CFAP58: variants seen among roughly 807,000 people sequenced by gnomAD.
CFAP58 encodes the protein cilia and flagella associated protein 58.
A neutral mutation model predicts 119.5 loss-of-function variants in CFAP58; 88 were observed. The ratio of observed to expected loss-of-function variants is 0.74; its 90% CI spans 0.62 to 0.88. The LOEUF (loss-of-function observed/expected upper bound fraction) is 0.88. Ranked by LOEUF, CFAP58 falls within the 40% of genes least tolerant of loss-of-function variation. The probability of loss-of-function intolerance (pLI) is 0.00; values close to 1 mark genes in which losing one functional copy is unlikely to be tolerated. For synonymous variants in CFAP58, 365 were observed against 366.3 expected (o/e 1.00, Z 0.04); for missense variants, 990 against 1,021.2 (o/e 0.97, Z 0.42).
intron 15 of CFAP58, among the ~76,000 whole-genome samples, chr10:104,419,177 T>C (rs551008128): frequency 4.6e-5 from 7 of 152,264 alleles, no homozygotes; most frequent in Admixed American, 2.0e-4. Flanking sequence ...AAGGAGCAAT[T>C]GGAGGCAGGC....
At chr10:104,373,411 A>T (rs535140579) in intron 7 of CFAP58, among the ~76,000 whole-genome samples, 1 of 152,242 alleles carries the variant, frequency 6.6e-6, no homozygotes, top group South Asian at 2.1e-4. Context: ...AGACAGAAGG[A>T]TCGCTTAAGG....
At chr10:104,394,651 A>G (rs1369297040) in intron 11 of CFAP58, among the ~76,000 whole-genome samples, 2 of 152,234 alleles carry the variant, frequency 1.3e-5, no homozygotes, top group African/African-American at 4.8e-5. Flanking sequence ...TACAAAAAAG[A>G]TATTGTAACT....
intron 15 of CFAP58, among the ~76,000 whole-genome samples, chr10:104,420,737 T>A (rs2012642355): frequency 6.6e-6 from 1 of 150,504 alleles, no homozygotes; most frequent in African/African-American, 2.4e-5. Context: ...TTTTTAAACA[T>A]TTTTTTATAT....
At chr10:104,428,215 C>T (rs903679234) in intron 15 of CFAP58, among the ~76,000 whole-genome samples, 7 of 152,022 alleles carry the variant, frequency 4.6e-5, no homozygotes, top group African/African-American at 9.7e-5. Flanking sequence ...TGTCAGCATC[C>T]GCCAGGAGAA....
chr10:104,348,816 G>C, the CFAP58 span, among the ~76,000 whole-genome samples: 1 of 152,188 alleles, frequency 6.6e-6, no homozygotes, highest in East Asian at 1.9e-4. Flanking sequence ...AGATGTCATG[G>C]TTCACTGGGC....
At chr10:104,379,468 T>A (rs2011737195) in intron 8 of CFAP58, among the ~76,000 whole-genome samples, 1 of 152,250 alleles carries the variant, frequency 6.6e-6, no homozygotes, top group Non-Finnish European at 1.5e-5. Context: ...TATTTTACAA[T>A]GAATACTCAT....
intron 15 of CFAP58, among the ~76,000 whole-genome samples, chr10:104,411,760 CTT>C (rs36066957): frequency 9.5e-5 from 14 of 147,160 alleles, no homozygotes; most frequent in East Asian, 2.0e-4. Flanking sequence ...AGGGAAGCAA[CTT>C]TTTTTTTTTT....
chr10:104,379,726 T>C (rs954954356), intron 8 of CFAP58, among the ~76,000 whole-genome samples: 9 of 152,222 alleles, frequency 5.9e-5, no homozygotes, highest in Non-Finnish European at 1.2e-4. Flanking sequence ...CACTTCCCCA[T>C]TGTATGAACT....
chr10:104,403,961 A>G, intron 14 of CFAP58, 121 bp downstream of exon 14: 1 of 560,386 alleles, frequency 1.8e-6, no homozygotes, highest in Non-Finnish European at 3.2e-6. Context: ...ATTGTCACCT[A>G]AAATGTAAGG....
intron 3 of CFAP58, 122 bp downstream of exon 3, chr10:104,362,293 T>C (rs2014678634): frequency 1.2e-6 from 1 of 807,754 alleles, no homozygotes; most frequent in Non-Finnish European, 1.9e-6. Flanking sequence ...TCTTCTTTAT[T>C]GGGTTCTTAG....
upstream of CFAP58, among the ~76,000 whole-genome samples, chr10:104,350,652 C>T (rs1405733700): frequency 3.3e-5 from 5 of 152,208 alleles, no homozygotes; most frequent in Non-Finnish European, 7.3e-5. Flanking sequence ...TCTAGATTCT[C>T]TGAGCTCCCA....
intron 13 of CFAP58, among the ~76,000 whole-genome samples, chr10:104,403,048 A>G (rs1317261719): frequency 1.3e-5 from 2 of 152,204 alleles, no homozygotes; most frequent in Non-Finnish European, 2.9e-5. Context: ...TGAAACTGTC[A>G]TAATTCACTG....
At chr10:104,434,134 T>A (rs1484489363) in intron 15 of CFAP58, among the ~76,000 whole-genome samples, 2 of 152,224 alleles carry the variant, frequency 1.3e-5, no homozygotes, top group Non-Finnish European at 1.5e-5. Flanking sequence ...GAAATGGAGT[T>A]GATGTGTGAG....
chr10:104,394,241 C>G (rs971252298), intron 11 of CFAP58, among the ~76,000 whole-genome samples: 3 of 152,126 alleles, frequency 2.0e-5, no homozygotes, highest in Admixed American at 2.0e-4. Flanking sequence ...TTTTCCTATC[C>G]AGTCCAATAG....
At chr10:104,430,645 G>A (rs550235273) in intron 15 of CFAP58, among the ~76,000 whole-genome samples, 2 of 152,062 alleles carry the variant, frequency 1.3e-5, no homozygotes, top group African/African-American at 4.8e-5. Flanking sequence ...AGAGGTGATT[G>A]GTTTGCATTC....
At chr10:104,409,469 G>A (rs943489587) in intron 15 of CFAP58, among the ~76,000 whole-genome samples, 6 of 152,046 alleles carry the variant, frequency 3.9e-5, no homozygotes, top group Non-Finnish European at 7.4e-5. Context: ...CTCTCTAAAT[G>A]CTCTGGGTTC....
chr10:104,449,956 ACTTGGGC>A, intron 16 of CFAP58, 108 bp from the exon 17 acceptor site: 1 of 1,015,504 alleles, frequency 9.8e-7, no homozygotes. Flanking sequence ...TAATTGTGAA[ACTTGGGC>A]ATTGTTTTGC....
In CFAP58 at chr10:104,393,434, C is replaced by T; in HGVS notation, c.1633C>T (p.Leu545=). The change falls in exon 11 of 18, where the codon CTG becomes TTG. Residue 545 remains leucine, a synonymous_variant. Coordinates refer to ENST00000369704, the MANE Select transcript of CFAP58 (RefSeq NM_001008723.2). ...AKESALVKLH[L]EQQRIEKEKE... ...AGAGTCCGCACTTGTGAAGCTGCAC[C>T]TGGAACAGCAGCGAATAGAAAAGGA... is the stretch of plus-strand genomic sequence containing the variant. The T allele has an allele frequency of 1.2e-6, 2 of 1,613,946 alleles. No individual in the cohort carries two copies. Among genetic ancestry groups the T allele is most frequent in the South Asian group, 2.2e-5 (2 of 91,074 alleles).
In CFAP58 at chr10:104,357,970, CAT is replaced by C. The variant is rs200290661; in HGVS notation, c.10-368_10-367del. 1.1e-4 allele frequency among the ~76,000 whole-genome samples: 12 copies of C among 105,514 alleles called. 1 individual carries two copies. The highest frequency in any genetic ancestry group is 5.2e-4 in the African/African-American group (10 of 19,224). 69.2% of individuals were successfully genotyped at this position (105,514 alleles called of 152,430 possible). The stretch of plus-strand genomic sequence containing the variant: ...ACACATATATACACATATATGTACA[CAT>C]ATGTACATATGTACACATATATGTA... On this transcript the variant is annotated intron_variant, in intron 1 of 17. Coordinates refer to ENST00000369704, the MANE Select transcript of CFAP58 (RefSeq NM_001008723.2).
Sources: allele counts gnomAD v4.1 joint callset (sites outside exome capture counted in the v4.1 genomes callset), GRCh38; gene constraint gnomAD v4.1.1; transcripts MANE v1.5; gene names NCBI Gene and HGNC (gene_info 2026-07-23, HGNC 2026-07-21).